Variants in ACVRL1 observed in about 807,000 individuals in gnomAD.
ACVRL1 encodes the protein activin A receptor like type 1, also known as activin receptor type-1-like.
In ACVRL1, 20 loss-of-function variants were observed where a neutral mutation model predicts 51.9. The ratio of observed to expected loss-of-function variants is 0.39; its 90% CI spans 0.27 to 0.56. The LOEUF (loss-of-function observed/expected upper bound fraction) is 0.56. Among genes scored for constraint, ACVRL1 ranks in the 20% least tolerant of loss-of-function variants. The probability of loss-of-function intolerance (pLI) is 0.67; values close to 1 mark genes in which losing one functional copy is unlikely to be tolerated. For missense variants in ACVRL1, 451 were observed against 670.3 expected (o/e 0.67, Z 3.61); for synonymous variants, 288 against 280.9 (o/e 1.03, Z -0.25).
At position 51,921,359 on chromosome 12, in the gene ACVRL1, A is replaced by G. The variant is rs1020201393; in HGVS notation, c.*466A>G. 8.2e-6 allele frequency: 2 copies of G among 243,856 alleles called. No individual in the cohort carries two copies. The highest frequency in any genetic ancestry group is 5.5e-5 in the South Asian group (1 of 18,024). 15.1% of individuals were successfully genotyped at this position (243,856 alleles called of 1,614,324 possible). On this transcript the variant is annotated 3_prime_UTR_variant, in exon 10 of 10. Coordinates refer to ENST00000388922, the MANE Select transcript of ACVRL1 (RefSeq NM_000020.3). ...TCCCTGCCAGGCCTCAGCCTCTAGCATAAGCTCCAGAGAGCCAGGGCCCAT... is the reference window on the plus strand; with the variant it reads ...TCCCTGCCAGGCCTCAGCCTCTAGCGTAAGCTCCAGAGAGCCAGGGCCCAT...
intron 9 of ACVRL1, among the ~76,000 whole-genome samples, chr12:51,919,785 GACAC>G (rs368178099): frequency 6.6e-6 from 1 of 152,164 alleles, no homozygotes; most frequent in African/African-American, 2.4e-5. Context: ...CTTGTACAAA[GACAC>G]ACACACGTAT....
Position 51,913,562 on chromosome 12 carries a change from C to T in ACVRL1, c.317C>T (p.Thr106Ile), listed in dbSNP as rs772117355. 1.9e-6 allele frequency: 3 copies of T among 1,597,186 alleles called. No individual in the cohort carries two copies. The highest frequency in any genetic ancestry group is 2.1e-4 in the Middle Eastern group (1 of 4,794). The stretch of plus-strand genomic sequence containing the variant: ...CCTCAGTGTCCCCCTCCCTCAGCCA[C>T]CCAACCTCCTTCGGAGCAGCCGGGA... The part of the protein sequence containing the change: ...NHNVSLVLEA[T>I]QPPSEQPGTD... Residue 106 changes from threonine to isoleucine, a missense_variant, in exon 4 of 10, where the codon ACC becomes ATC. Transcript: ENST00000388922.
intron 5 of ACVRL1, 29 bp downstream of exon 5, chr12:51,914,102 G>A: frequency 6.2e-7 from 1 of 1,604,328 alleles, no homozygotes; most frequent in South Asian, 1.1e-5. Flanking sequence ...CGGTGGATGA[G>A]GACCAAGGGC....
chr12:51,913,565 A>G lies in ACVRL1; in HGVS notation c.320A>G (p.Gln107Arg), dbSNP rs1940749614. Reference protein sequence around the residue: ...HNVSLVLEATQPPSEQPGTDG... With the variant: ...HNVSLVLEATRPPSEQPGTDG... ...CAGTGTCCCCCTCCCTCAGCCACCC[A>G]ACCTCCTTCGGAGCAGCCGGGAACA... The change falls in exon 4 of 10, where the codon CAA becomes CGA. Residue 107 changes from glutamine (Q) to arginine (R), a missense_variant. Physicochemically the swap from Gln to Arg is conservative, Grantham distance 43. Transcript: ENST00000388922. 1 of 1,597,542 alleles carries G rather than the reference A, an allele frequency of 6.3e-7. No homozygotes were observed. Among genetic ancestry groups the G allele is most frequent in the Non-Finnish European group, 8.5e-7 (1 of 1,179,636 alleles).
intron 1 of ACVRL1, among the ~76,000 whole-genome samples, chr12:51,911,863 C>T (rs706811): frequency 0.032 from 4,888 of 152,270 alleles, 220 homozygotes; most frequent in African/African-American, 0.11. Flanking sequence ...CCCTCCAGAC[C>T]TTGTGGCTGC....
At chr12:51,913,905 A>G in intron 4 of ACVRL1, 69 bp from the exon 5 acceptor site, 1 of 1,580,744 alleles carries the variant, frequency 6.3e-7, no homozygotes. Context: ...AGCAGGTCCC[A>G]GGTCGAGGAT....
rs1592221077 is a variant in ACVRL1 at position 51,912,581 on chromosome 12, A to G, written c.61+46A>G. On this transcript the variant is annotated intron_variant, in intron 2 of 9. Coordinates refer to ENST00000388922, the MANE Select transcript of ACVRL1 (RefSeq NM_000020.3). ...TAGGAAACAGGAACCTGGATACAGA[A>G]AGGGCTATCTGGGCCCAGATCAGCT... The G allele has an allele frequency of 4.0e-6, 6 of 1,511,634 alleles. No homozygotes were observed. In the East Asian group the frequency reaches 1.4e-4, roughly 34 times the overall value. The allele number at this position is 1,511,634 out of a possible 1,614,324, so 93.6% of individuals were successfully genotyped here.
chr12:51,919,632 A>G (rs1940923489), intron 9 of ACVRL1, among the ~76,000 whole-genome samples: 1 of 152,058 alleles, frequency 6.6e-6, no homozygotes, highest in African/African-American at 2.4e-5. Context: ...GGCTCAAGTG[A>G]TCCTCCTGCC....
chr12:51,913,357 C>G lies in ACVRL1; in HGVS notation c.313+7C>G, dbSNP rs374171506. On this transcript the variant is annotated splice_region_variant and intron_variant, in intron 3 of 9. Transcript: ENST00000388922. ...GTGTCCCTGGTGCTGGAGGGTACGT[C>G]CAGCTGCCCTAGCACTCCCTCCCCA... 2.7e-5 allele frequency: 44 copies of G among 1,611,388 alleles called. No homozygotes were observed. The African/African-American group carries it at 4.9e-4, about 18-fold the overall frequency.
At chr12:51,908,735 C>T (rs920508001) in intron 1 of ACVRL1, among the ~76,000 whole-genome samples, 1 of 152,134 alleles carries the variant, frequency 6.6e-6, no homozygotes, top group Non-Finnish European at 1.5e-5. Context: ...TATGAGATAA[C>T]ACTATTATTA....
At position 51,909,310 on chromosome 12, in the gene ACVRL1, G is replaced by A. The variant is rs541930637; in HGVS notation, c.-6+1615G>A. 2.2e-4 allele frequency among the ~76,000 whole-genome samples: 34 copies of A among 152,146 alleles called. No homozygotes were observed. The Middle Eastern group carries it at 0.014, about 61-fold the overall frequency. ...CAGCAACACCACCTTTGTTGCCTGG[G>A]TCAACATAGTGAGACCCTATCTCTA... On this transcript the variant is annotated intron_variant, in intron 1 of 9. Transcript: ENST00000388922.
chr12:51,920,100 C>T (rs540829777), intron 9 of ACVRL1, among the ~76,000 whole-genome samples: 19 of 152,346 alleles, frequency 1.2e-4, no homozygotes, highest in African/African-American at 4.3e-4. Flanking sequence ...CACTCACTTT[C>T]AGGAGCCAGA....
intron 1 of ACVRL1, among the ~76,000 whole-genome samples, chr12:51,909,789 A>G (rs890770779): frequency 6.6e-6 from 1 of 152,248 alleles, no homozygotes; most frequent in Non-Finnish European, 1.5e-5. Flanking sequence ...TAAATCAGAT[A>G]AACCATTCAA....
At chr12:51,915,566 T>G (rs1432583057) in intron 7 of ACVRL1, 66 bp downstream of exon 7, 2 of 1,545,668 alleles carry the variant, frequency 1.3e-6, no homozygotes, top group Admixed American at 3.7e-5. Flanking sequence ...CTCCTCTCCT[T>G]TGCCTGTGGG....
intron 9 of ACVRL1, among the ~76,000 whole-genome samples, chr12:51,920,307 G>A (rs1940942057): frequency 6.6e-6 from 1 of 152,200 alleles, no homozygotes; most frequent in Non-Finnish European, 1.5e-5. Context: ...CTTAGGCTGT[G>A]GATGGGGATG....
Position 51,915,850 on chromosome 12 carries a change from C to T in ACVRL1, c.1049-186C>T, listed in dbSNP as rs1398168330. The stretch of plus-strand genomic sequence containing the variant: ...TGGGTTCTTGGGAACCTAGAGAGCA[C>T]TACACAAGCAAAGAGTACCTGGGGC... On this transcript the variant is annotated intron_variant, in intron 7 of 9. Coordinates refer to ENST00000388922, the MANE Select transcript of ACVRL1 (RefSeq NM_000020.3). 1.3e-5 allele frequency: 9 copies of T among 690,322 alleles called. No individual in the cohort carries two copies. The African/African-American group carries it at 1.4e-4, about 11-fold the overall frequency. The allele number at this position is 690,322 out of a possible 1,614,324, so 42.8% of individuals were successfully genotyped here. A position where few individuals can be genotyped will look rare whatever the true frequency, so the allele number is the denominator to read the frequency against.
upstream of ACVRL1, chr12:51,907,435 G>A (rs1403708885): frequency 2.6e-5 from 4 of 152,382 alleles, no homozygotes; most frequent in Admixed American, 6.5e-5. The surrounding 1 kb of genome is among the most constrained non-coding windows in gnomAD (Gnocchi z 4.5). Flanking sequence ...GGTTTATTAG[G>A]AGGGAGTGGT....
rs928897605 is a variant in ACVRL1 at position 51,907,779 on chromosome 12, A to T, written c.-6+84A>T. 2.0e-5 allele frequency: 3 copies of T among 152,298 alleles called. No individual in the cohort carries two copies. The highest frequency in any genetic ancestry group is 7.2e-5 in the African/African-American group (3 of 41,464). The allele number at this position is 152,298 out of a possible 1,614,324, so 9.4% of individuals were successfully genotyped here. On this transcript the variant is annotated intron_variant, in intron 1 of 9. Coordinates refer to ENST00000388922, the MANE Select transcript of ACVRL1 (RefSeq NM_000020.3). This position sits in a 1 kb window ranked among gnomAD's most constrained non-coding sequence, Gnocchi z 4.5. ...GGCCCTTCCTTCGGGCGGACCCCAG[A>T]GTCACCGCAGAGTGGTCGCGGGAGG...
intron 1 of ACVRL1, among the ~76,000 whole-genome samples, chr12:51,909,961 T>C (rs1332758552): frequency 6.6e-6 from 1 of 152,190 alleles, no homozygotes; most frequent in Non-Finnish European, 1.5e-5. Flanking sequence ...AAGTTTTGCT[T>C]AGAAGTGAAA....
Sources: allele counts gnomAD v4.1 joint callset (sites outside exome capture counted in the v4.1 genomes callset), GRCh38; gene constraint gnomAD v4.1.1; non-coding constraint Gnocchi (gnomAD v3.1); transcripts MANE v1.5; gene names NCBI Gene and HGNC (gene_info 2026-07-23, HGNC 2026-07-21).